Variants in PTP4A3 observed in about 807,000 individuals in gnomAD.
PTP4A3 encodes the protein protein tyrosine phosphatase type IVA 3.
A neutral mutation model predicts 15.2 loss-of-function variants in PTP4A3; 9 were observed. The observed-to-expected ratio is 0.59, with a 90% CI of 0.36 to 1.03. The LOEUF (loss-of-function observed/expected upper bound fraction) is 1.03. PTP4A3 is among the 50% of genes least tolerant of loss of function. The pLI is 0.02. For synonymous variants in PTP4A3, 95 were observed against 102.0 expected (o/e 0.93, Z 0.41); for missense variants, 234 against 252.1 (o/e 0.93, Z 0.49).
At position 141,432,215 on chromosome 8, in the gene PTP4A3, C is replaced by G. The variant is rs1011436415; in HGVS notation, c.*1171C>G. ...GTCCTGGGGCCCCAGGAGGTTCCCGCAAGGAGCGACTGGGGCAGGTGCTGG... is the reference window on the plus strand; with the variant it reads ...GTCCTGGGGCCCCAGGAGGTTCCCGGAAGGAGCGACTGGGGCAGGTGCTGG... On this transcript the variant is annotated 3_prime_UTR_variant, in exon 6 of 6. Transcript: ENST00000521578. The G allele has an allele frequency of 5.9e-5, 9 of 151,776 alleles. No homozygotes were observed. The highest frequency in any genetic ancestry group is 2.2e-4 in the African/African-American group (9 of 41,270). 9.4% of individuals were successfully genotyped at this position (151,776 alleles called of 1,614,324 possible).
intron 3 of PTP4A3, chr8:141,426,348 C>A: frequency 1.3e-6 from 1 of 775,944 alleles, no homozygotes; most frequent in Non-Finnish European, 1.6e-6. Context: ...AAGCACAGGT[C>A]ATCTTCCAAG....
chr8:141,396,445 G>A (rs1461274651), intron 1 of PTP4A3, among the ~76,000 whole-genome samples: 1 of 152,160 alleles, frequency 6.6e-6, no homozygotes, highest in African/African-American at 2.4e-5. Flanking sequence ...CCAGTGGGGT[G>A]AGCAGCTCCA....
At position 141,416,785 on chromosome 8, in the gene PTP4A3, G is replaced by A. The variant is rs139564632; in HGVS notation, c.-853-4603G>A. Among the ~76,000 whole-genome samples the A allele has an allele frequency of 1.0e-3, 156 of 152,240 alleles. 1 individual carries two copies. In the East Asian group the frequency reaches 0.019, roughly 19 times the overall value. On this transcript the variant is annotated intron_variant, in intron 1 of 5. Coordinates refer to ENST00000521578, the MANE Select transcript of PTP4A3 (RefSeq NM_032611.3). ...CCACCTGGAGGTGGGAGGAGGCGAG[G>A]GTTGCCGGCACAGCTGGGCCAGGCT...
At chr8:141,426,619 G>A (rs918010202) in intron 3 of PTP4A3, 16 of 985,314 alleles carry the variant, frequency 1.6e-5, no homozygotes, top group Non-Finnish European at 1.9e-5. Context: ...ACCAGAGCTC[G>A]GGCTGACAGG....
rs1419704398 is a variant in PTP4A3 at position 141,427,048 on chromosome 8, A to G, written c.308A>G (p.His103Arg). The G allele has an allele frequency of 6.3e-7, 1 of 1,599,736 alleles. No homozygotes were observed. The highest frequency in any genetic ancestry group is 8.5e-7 in the Non-Finnish European group (1 of 1,179,692). The change falls in exon 4 of 6, where the codon CAC becomes CGC. Residue 103 changes from histidine to arginine, a missense_variant. His to Arg is a conservative substitution (Grantham distance 29). Transcript: ENST00000521578. The stretch of plus-strand genomic sequence containing the variant: ...GCCCCCGGCAGCTGCGTGGCTGTGC[A>G]CTGCGTGGCGGGCCTGGGCCGGTGA... ...CEAPGSCVAV[H>R]CVAGLGRAPV...
intron 2 of PTP4A3, among the ~76,000 whole-genome samples, chr8:141,424,230 C>T (rs1833462790): frequency 6.6e-6 from 1 of 152,192 alleles, no homozygotes; most frequent in South Asian, 2.1e-4. Flanking sequence ...ATTCCTCACC[C>T]CTCCCAAAAT....
rs1478707689 is a variant in PTP4A3, at chr8:141,427,033, G to A, written c.293G>A (p.Ser98Asn). ...GCCAAGTTCTGTGAGGCCCCCGGCA[G>A]CTGCGTGGCTGTGCACTGCGTGGCG... The part of the protein sequence containing the change: ...VKAKFCEAPG[S>N]CVAVHCVAGL... The change falls in exon 4 of 6, where the codon AGC becomes AAC. Residue 98 changes from serine to asparagine, a missense_variant. Physicochemically the swap from Ser to Asn is conservative, Grantham distance 46. Coordinates refer to ENST00000521578, the MANE Select transcript of PTP4A3 (RefSeq NM_032611.3). The A allele has an allele frequency of 1.2e-6, 2 of 1,601,302 alleles. No individual in the cohort carries two copies.
At position 141,425,199 on chromosome 8, in the gene PTP4A3, G is replaced by GGGGGGGGGGGGGGGGGGGGC; in HGVS notation, c.198+62_198+63insGGGGGGGGGGGGGGGGCGGG. On this transcript the variant is annotated intron_variant, in intron 3 of 5. Coordinates refer to ENST00000521578, the MANE Select transcript of PTP4A3 (RefSeq NM_032611.3). The surrounding 1 kb of genome is among the most constrained non-coding windows in gnomAD (Gnocchi z 4.2). Reference sequence around the variant, plus strand: ...CTGCCACCGGGGGAGGGTGGGGCGGGGGGCTCCGGGCCTGCGCAGAGGGTT... The same window carrying GGGGGGGGGGGGGGGGGGGGC: ...CTGCCACCGGGGGAGGGTGGGGCGGGGGGGGGGGGGGGGGGGGGGCGGGCTCCGGGCCTGCGCAGAGGGTT... 1.2e-6 allele frequency: 1 copy of GGGGGGGGGGGGGGGGGGGGC among 844,212 alleles called. No homozygotes were observed. The highest frequency in any genetic ancestry group is 1.8e-5 in the Admixed American group (1 of 55,666). 52.3% of individuals were successfully genotyped at this position (844,212 alleles called of 1,614,324 possible). A position where few individuals can be genotyped will look rare whatever the true frequency, so the allele number is the denominator to read the frequency against.
At chr8:141,402,161 G>A (rs1832610291) in intron 1 of PTP4A3, among the ~76,000 whole-genome samples, 1 of 152,180 alleles carries the variant, frequency 6.6e-6, no homozygotes, top group Non-Finnish European at 1.5e-5. Context: ...TGGGTGACGG[G>A]TCTGAGGCTG....
In PTP4A3 at chr8:141,406,384, T is replaced by A. The variant is rs942078520; in HGVS notation, c.-854+14300T>A. Among the ~76,000 whole-genome samples the A allele has an allele frequency of 2.6e-5, 4 of 152,212 alleles. No individual in the cohort carries two copies. Among genetic ancestry groups the A allele is most frequent in the Admixed American group, 2.0e-4 (3 of 15,304 alleles). The stretch of plus-strand genomic sequence containing the variant: ...CACTTCTGAGAAGCCGGGGAGCAGT[T>A]CCCTGGGGTTTCCCCTGGGAAGTCC... On this transcript the variant is annotated intron_variant, in intron 1 of 5. Transcript: ENST00000521578. The surrounding 1 kb of genome is among the most constrained non-coding windows in gnomAD (Gnocchi z 4.5).
At chr8:141,419,573 T>G (rs1397724955) in intron 1 of PTP4A3, among the ~76,000 whole-genome samples, 3 of 88,202 alleles carry the variant, frequency 3.4e-5, no homozygotes, top group African/African-American at 2.2e-4. Context: ...CACCACCGGT[T>G]TTTTTTTTTT....
intron 4 of PTP4A3, 89 bp downstream of exon 4, chr8:141,427,158 A>G: frequency 6.5e-7 from 1 of 1,529,716 alleles, no homozygotes; most frequent in African/African-American, 1.4e-5. Flanking sequence ...TGGGTCTTGA[A>G]CACACGTCCA....
chr8:141,397,893 C>T (rs920176128), intron 1 of PTP4A3, among the ~76,000 whole-genome samples: 1 of 152,220 alleles, frequency 6.6e-6, no homozygotes, highest in Non-Finnish European at 1.5e-5. Context: ...TGTCCAGGGT[C>T]GGCCCGGCTC....
chr8:141,427,615 C>G, intron 4 of PTP4A3, 135 bp from the exon 5 acceptor site: 1 of 722,248 alleles, frequency 1.4e-6, no homozygotes, highest in South Asian at 1.7e-5. Context: ...AGGCTGTGGC[C>G]TCCATGGGGG....
rs190798836 is a variant in PTP4A3 at position 141,406,792 on chromosome 8, C to T, written c.-853-14596C>T. The stretch of plus-strand genomic sequence containing the variant: ...CAGCTCTCAAGGGCTGTAGGCACTT[C>T]GCCCTGAATCCTCCTCTGAGCCGGC... On this transcript the variant is annotated intron_variant, in intron 1 of 5. Transcript: ENST00000521578. This position sits in a 1 kb window ranked among gnomAD's most constrained non-coding sequence, Gnocchi z 4.5. Among the ~76,000 whole-genome samples the T allele has an allele frequency of 1.3e-3, 203 of 152,324 alleles. 2 individuals carry two copies. Among genetic ancestry groups the T allele is most frequent in the Non-Finnish European group, 3.1e-4 (21 of 68,024 alleles).
Position 141,422,011 on chromosome 8 carries a change from G to A in PTP4A3, c.-230G>A, listed in dbSNP as rs1438630209. On this transcript the variant is annotated 5_prime_UTR_variant, in exon 2 of 6. Coordinates refer to ENST00000521578, the MANE Select transcript of PTP4A3 (RefSeq NM_032611.3). ...TTGTTCCTTTTCTTTTTTAAGAGTT[G>A]GGTTTTCTTTTTTAATTATCCAAAC... 2.0e-6 allele frequency: 1 copy of A among 501,084 alleles called. No homozygotes were observed. The highest frequency in any genetic ancestry group is 3.4e-5 in the East Asian group (1 of 29,146). 31.0% of individuals were successfully genotyped at this position (501,084 alleles called of 1,614,324 possible). A position where few individuals can be genotyped will look rare whatever the true frequency, so the allele number is the denominator to read the frequency against.
chr8:141,413,256 C>G (rs909052270), intron 1 of PTP4A3, among the ~76,000 whole-genome samples: 2 of 152,168 alleles, frequency 1.3e-5, no homozygotes, highest in South Asian at 2.1e-4. Flanking sequence ...GGGACTGGGG[C>G]GGGGAGAGGC....
chr8:141,399,392 C>T (rs1832530989), intron 1 of PTP4A3, among the ~76,000 whole-genome samples: 1 of 152,108 alleles, frequency 6.6e-6, no homozygotes, highest in African/African-American at 2.4e-5. Flanking sequence ...CCCAGAGGCC[C>T]ATCTGCTGGG....
chr8:141,411,052 G>A (rs572018344), intron 1 of PTP4A3, among the ~76,000 whole-genome samples: 4 of 152,310 alleles, frequency 2.6e-5, no homozygotes, highest in East Asian at 1.9e-4. Context: ...CTGGCAAGGC[G>A]TGGGGCACCT....
Sources: allele counts gnomAD v4.1 joint callset (sites outside exome capture counted in the v4.1 genomes callset), GRCh38; gene constraint gnomAD v4.1.1; non-coding constraint Gnocchi (gnomAD v3.1); transcripts MANE v1.5; gene names NCBI Gene and HGNC (gene_info 2026-07-23, HGNC 2026-07-21).